Variants in MEMO1 observed in about 807,000 individuals in gnomAD.
MEMO1 encodes the protein protein MEMO1.
MEMO1 carries 6 observed loss-of-function variants against 45.2 expected under a neutral mutation model. That is an observed-to-expected ratio of 0.13 (90% CI 0.07 to 0.26). MEMO1 has a LOEUF of 0.26. Ranked by LOEUF, MEMO1 falls within the 10% of genes least tolerant of loss-of-function variation. The pLI is 1.00. For synonymous variants in MEMO1, 78 were observed against 124.3 expected (o/e 0.63, Z 2.48); for missense variants, 184 against 370.5 (o/e 0.50, Z 4.13).
In MEMO1 at chr2:31,966,732, C is replaced by CAAAAAAAAAAAAAAAAA. The variant is rs758359349; in HGVS notation, c.62-23350_62-23349insTTTTTTTTTTTTTTTTT. On this transcript the variant is annotated intron_variant, in intron 2 of 9. Transcript: ENST00000404530. ...TGGGTAACAGAGCAAGACTCTGTCT[C>CAAAAAAAAAAAAAAAAA]AAAAAAAAAAAATGAAAAAAATAAA... is the stretch of plus-strand genomic sequence containing the variant. Among the ~76,000 whole-genome samples the CAAAAAAAAAAAAAAAAA allele has an allele frequency of 2.3e-4, 27 of 117,836 alleles. 1 individual carries two copies. Among genetic ancestry groups the CAAAAAAAAAAAAAAAAA allele is most frequent in the African/African-American group, 4.9e-4 (16 of 32,714 alleles). The allele number at this position is 117,836 out of a possible 152,430, so 77.3% of individuals were successfully genotyped here.
intron 2 of MEMO1, among the ~76,000 whole-genome samples, chr2:31,953,959 ATAAAT>A (rs1450661301): frequency 6.6e-6 from 1 of 152,238 alleles, no homozygotes; most frequent in Non-Finnish European, 1.5e-5. Flanking sequence ...GTATTTCAAA[ATAAAT>A]TAAATATTCT....
At chr2:31,985,140 C>T (rs915693408) in intron 2 of MEMO1, among the ~76,000 whole-genome samples, 22 of 152,138 alleles carry the variant, frequency 1.4e-4, no homozygotes, top group Non-Finnish European at 2.4e-4. Context: ...TAAATCCTGA[C>T]AGTGTCACTA....
At chr2:31,958,212 T>C (rs1248342677) in intron 2 of MEMO1, among the ~76,000 whole-genome samples, 1 of 152,046 alleles carries the variant, frequency 6.6e-6, no homozygotes. Flanking sequence ...TCCATAAAAG[T>C]TGAGTTGTAT....
chr2:31,989,476 AAT>A (rs1671678668), intron 2 of MEMO1, among the ~76,000 whole-genome samples: 1 of 152,206 alleles, frequency 6.6e-6, no homozygotes, highest in African/African-American at 2.4e-5. Flanking sequence ...TGCGTAACTC[AAT>A]AAACAAATAT....
At chr2:31,889,498 T>A (rs1676646570) in intron 7 of MEMO1, among the ~76,000 whole-genome samples, 1 of 152,068 alleles carries the variant, frequency 6.6e-6, no homozygotes. Context: ...ATGGCACACT[T>A]ACTAATTTAG....
At chr2:31,921,184 T>C (rs558301376) in intron 4 of MEMO1, among the ~76,000 whole-genome samples, 45 of 152,284 alleles carry the variant, frequency 3.0e-4, no homozygotes, top group Non-Finnish European at 4.7e-4. Context: ...ATGAGTCTGG[T>C]GTCCTTATAG....
chr2:31,942,021 C>T (rs1476315617), intron 3 of MEMO1, among the ~76,000 whole-genome samples: 1 of 152,140 alleles, frequency 6.6e-6, no homozygotes, highest in Non-Finnish European at 1.5e-5. Context: ...TGCTATGAGA[C>T]AAATGGCACA....
intron 2 of MEMO1, among the ~76,000 whole-genome samples, chr2:31,985,834 T>C (rs1671192842): frequency 6.6e-6 from 1 of 152,204 alleles, no homozygotes; most frequent in South Asian, 2.1e-4. Context: ...CTAATAAATA[T>C]AGCTGGCTTG....
At chr2:31,967,772 C>CT (rs1228577908) in intron 2 of MEMO1, among the ~76,000 whole-genome samples, 1 of 152,272 alleles carries the variant, frequency 6.6e-6, no homozygotes, top group East Asian at 1.9e-4. Context: ...CTTAGTAAAA[C>CT]TTAATAGATT....
intron 7 of MEMO1, among the ~76,000 whole-genome samples, chr2:31,885,245 G>A (rs530992853): frequency 9.7e-4 from 148 of 152,088 alleles, no homozygotes; most frequent in African/African-American, 3.4e-3. Flanking sequence ...TCAACCTCCC[G>A]AGTAGCTGGG....
intron 4 of MEMO1, among the ~76,000 whole-genome samples, chr2:31,927,553 T>C (rs1440957414): frequency 6.6e-6 from 1 of 151,176 alleles, no homozygotes; most frequent in Non-Finnish European, 1.5e-5. Flanking sequence ...CATAACCAGA[T>C]ATGAAAACAT....
At chr2:31,879,210 C>T (rs1488504602) in intron 8 of MEMO1, among the ~76,000 whole-genome samples, 2 of 152,188 alleles carry the variant, frequency 1.3e-5, no homozygotes, top group African/African-American at 4.8e-5. Context: ...ACTGAAACTG[C>T]TCTTGCAAGG....
intron 2 of MEMO1, among the ~76,000 whole-genome samples, chr2:31,969,496 A>G (rs1327529369): frequency 2.6e-5 from 4 of 151,684 alleles, no homozygotes; most frequent in South Asian, 2.1e-4. Flanking sequence ...GACAGAAAAA[A>G]GTTTAAAAAA....
chr2:31,978,755 A>G (rs1670302332), intron 2 of MEMO1, among the ~76,000 whole-genome samples: 1 of 152,220 alleles, frequency 6.6e-6, no homozygotes, highest in Non-Finnish European at 1.5e-5. Flanking sequence ...AAAGCCCCAA[A>G]CACTGGATAC....
intron 6 of MEMO1, among the ~76,000 whole-genome samples, chr2:31,902,956 T>TA (rs1018929543): frequency 2.6e-5 from 4 of 152,048 alleles, no homozygotes; most frequent in Non-Finnish European, 4.4e-5. Flanking sequence ...TGAATTCTAA[T>TA]AAAAAAATAC....
At chr2:31,948,233 G>C (rs1484452181) in intron 2 of MEMO1, among the ~76,000 whole-genome samples, 2 of 152,034 alleles carry the variant, frequency 1.3e-5, no homozygotes, top group African/African-American at 2.4e-5. Context: ...TTAGATACCA[G>C]GACAAGCTGG....
intron 2 of MEMO1, among the ~76,000 whole-genome samples, chr2:31,977,602 C>A (rs954516457): frequency 6.6e-6 from 1 of 152,176 alleles, no homozygotes; most frequent in African/African-American, 2.4e-5. Context: ...CAACCTCTGC[C>A]TCCTAGGTAC....
chr2:31,971,122 T>A (rs894719800), intron 2 of MEMO1, among the ~76,000 whole-genome samples: 7 of 152,250 alleles, frequency 4.6e-5, no homozygotes, highest in African/African-American at 1.4e-4. Context: ...TTTAATTTAC[T>A]CATTGATGCA....
intron 8 of MEMO1, among the ~76,000 whole-genome samples, chr2:31,871,783 G>A (rs1673788480): frequency 6.6e-6 from 1 of 152,224 alleles, no homozygotes; most frequent in East Asian, 1.9e-4. Flanking sequence ...GGAGGCCGAG[G>A]CAGGTGGGTC....
Sources: gnomAD v4.1 joint callset for allele counts (sites outside exome capture counted in the v4.1 genomes callset) on GRCh38, gnomAD v4.1.1 for gene constraint, MANE v1.5 for transcripts, NCBI Gene and HGNC (gene_info 2026-07-23, HGNC 2026-07-21) for gene names.